RGS12: variants seen among roughly 807,000 people sequenced by gnomAD.
The protein encoded by RGS12 is regulator of G-protein signaling 12.
A neutral mutation model predicts 120.1 loss-of-function variants in RGS12; 66 were observed. That is an observed-to-expected ratio of 0.55 (90% CI 0.45 to 0.67). The LOEUF (loss-of-function observed/expected upper bound fraction) is 0.67. RGS12 is among the 30% of genes least tolerant of loss of function. The pLI is 0.00. For synonymous variants in RGS12, 827 were observed against 804.7 expected, an observed-to-expected ratio of 1.03 and a Z score of -0.47; for missense variants, 1,859 against 1,957.7, an observed-to-expected ratio of 0.95 and a Z score of 0.95.
chr4:3,400,740 TC>T (rs1446322862), intron 4 of RGS12, among the ~76,000 whole-genome samples: 1 of 148,496 alleles, frequency 6.7e-6, no homozygotes, highest in Non-Finnish European at 1.5e-5. Context: ...TTAGTAATAC[TC>T]ATTAGTATTA....
intron 11 of RGS12, 81 bp downstream of exon 11, chr4:3,422,651 C>G (rs1284891149): frequency 4.7e-5 from 68 of 1,444,110 alleles, no homozygotes; most frequent in Non-Finnish European, 5.1e-5. Flanking sequence ...TCAGAGTCCT[C>G]AGGCTGCCCC....
chr4:3,316,695 C>G lies in RGS12; in HGVS notation c.525C>G (p.Ala175=). The G allele has an allele frequency of 6.2e-7, 1 of 1,614,088 alleles. No homozygotes were observed. The highest frequency in any genetic ancestry group is 8.5e-7 in the Non-Finnish European group (1 of 1,180,020). The stretch of plus-strand genomic sequence containing the variant: ...AACAAAGATCCCTTTCAGAGTCGGC[C>G]GCAACTCGATTTGATGTTGGACATG... ...KLKQRSLSES[A]ATRFDVGHES... Residue 175 remains alanine, a synonymous_variant, in exon 2 of 18, where the codon GCC becomes GCG. Coordinates refer to ENST00000336727, the MANE Select transcript of RGS12 (RefSeq NM_001394154.1).
chr4:3,367,665 G>C (rs2108872908), intron 3 of RGS12, among the ~76,000 whole-genome samples: 1 of 152,352 alleles, frequency 6.6e-6, no homozygotes, highest in East Asian at 1.9e-4. Flanking sequence ...GGGGCCCTCA[G>C]GCGGTCACAG....
At chr4:3,416,435 C>T (rs946714096) in intron 7 of RGS12, among the ~76,000 whole-genome samples, 8 of 152,180 alleles carry the variant, frequency 5.3e-5, no homozygotes, top group Non-Finnish European at 4.4e-5. Context: ...GATGGCGCAT[C>T]TGCGTTTGAA....
intron 3 of RGS12, among the ~76,000 whole-genome samples, chr4:3,350,960 A>C (rs753973051): frequency 6.6e-6 from 1 of 152,210 alleles, no homozygotes; most frequent in Non-Finnish European, 1.5e-5. Context: ...TAGTAATACA[A>C]ATTCACTGGT....
intron 1 of RGS12, among the ~76,000 whole-genome samples, chr4:3,306,782 G>A (rs1299753186): frequency 6.6e-6 from 1 of 152,082 alleles, no homozygotes; most frequent in Non-Finnish European, 1.5e-5. Context: ...CCTGGGGGAC[G>A]CTGGTGGGTG....
rs1713564515 is a variant in RGS12 at position 3,344,192 on chromosome 4, G to A, written c.1998+1139G>A. 4.6e-5 allele frequency among the ~76,000 whole-genome samples: 7 copies of A among 152,300 alleles called. No individual in the cohort carries two copies. In the South Asian group the frequency reaches 1.5e-3, roughly 32 times the overall value. Reference sequence around the variant, plus strand: ...GCTTCAGGGATGGCAGGGGTCCTGGGGATTGGCACGTTGTGGCTGCAAATA... The same window carrying A: ...GCTTCAGGGATGGCAGGGGTCCTGGAGATTGGCACGTTGTGGCTGCAAATA... On this transcript the variant is annotated intron_variant, in intron 3 of 17. Transcript: ENST00000336727.
rs1198839786 is a variant in RGS12 at position 3,317,813 on chromosome 4, G to A, written c.1643G>A (p.Cys548Tyr). The change falls in exon 2 of 18, where the codon TGC becomes TAC. Residue 548 changes from cysteine to tyrosine, a missense_variant. Coordinates refer to ENST00000336727, the MANE Select transcript of RGS12 (RefSeq NM_001394154.1). ...LPVHVLREWQ[C>Y]GHTSDQDSYT... ...GTCCACGTGCTCCGGGAGTGGCAGTGCGGACACACCAGCGACCAGGACTCT... is the reference window on the plus strand; with the variant it reads ...GTCCACGTGCTCCGGGAGTGGCAGTACGGACACACCAGCGACCAGGACTCT... 1.9e-6 allele frequency: 3 copies of A among 1,613,206 alleles called. No individual in the cohort carries two copies. The highest frequency in any genetic ancestry group is 1.7e-5 in the Admixed American group (1 of 60,018).
At chr4:3,373,561 G>A (rs563922775) in intron 3 of RGS12, among the ~76,000 whole-genome samples, 125 of 152,348 alleles carry the variant, frequency 8.2e-4, no homozygotes, top group African/African-American at 2.7e-3. Flanking sequence ...CACTGACCGC[G>A]TCTCTTAAAT....
upstream of RGS12, among the ~76,000 whole-genome samples, chr4:3,290,198 T>G (rs191919616): frequency 9.2e-5 from 14 of 152,286 alleles, no homozygotes; most frequent in African/African-American, 3.4e-4. Flanking sequence ...CACACGGTAG[T>G]TCTAGTTTTG....
intron 2 of RGS12, among the ~76,000 whole-genome samples, chr4:3,334,110 T>G (rs991923822): frequency 2.0e-5 from 3 of 152,204 alleles, no homozygotes; most frequent in Non-Finnish European, 4.4e-5. Context: ...AAAAAGGAAT[T>G]AAAATAGAAT....
chr4:3,400,362 A>G (rs1045087213), intron 4 of RGS12, among the ~76,000 whole-genome samples: 2 of 152,188 alleles, frequency 1.3e-5, no homozygotes, highest in East Asian at 3.8e-4. Flanking sequence ...TCATCCCACC[A>G]TTCATTCAAC....
intron 2 of RGS12, among the ~76,000 whole-genome samples, chr4:3,336,732 A>G (rs1486481451): frequency 6.6e-6 from 1 of 152,268 alleles, no homozygotes; most frequent in African/African-American, 2.4e-5. Context: ...ATTACATCAA[A>G]TGTAAAAACT....
intron 1 of RGS12, among the ~76,000 whole-genome samples, chr4:3,303,165 G>C (rs879450254): frequency 6.6e-6 from 1 of 152,244 alleles, no homozygotes; most frequent in Non-Finnish European, 1.5e-5. Flanking sequence ...TGGACCCAGT[G>C]GGACAGGTGC....
chr4:3,382,615 C>T (rs1218666962), intron 3 of RGS12, among the ~76,000 whole-genome samples: 1 of 150,614 alleles, frequency 6.6e-6, no homozygotes, highest in Non-Finnish European at 1.5e-5. Context: ...AATCTCAGAT[C>T]CTGAGGAGAC....
intron 17 of RGS12, 103 bp from the exon 18 acceptor site, chr4:3,439,351 AC>A: frequency 8.8e-7 from 1 of 1,132,282 alleles, no homozygotes; most frequent in East Asian, 2.4e-5. Context: ...TATTTCAGGG[AC>A]CCCTACCATG....
chr4:3,417,443 A>T lies in RGS12; in HGVS notation c.2663A>T (p.Asp888Val). Reference sequence around the variant, plus strand: ...CTGAATGAAGAGCTGGGGGATGAGGACAGCGAGAAGAAGCGGAAAGGCGCG... The same window carrying T: ...CTGAATGAAGAGCTGGGGGATGAGGTCAGCGAGAAGAAGCGGAAAGGCGCG... ...RSLNEELGDE[D>V]SEKKRKGAFF... is the part of the protein sequence containing the mutation. The change falls in exon 9 of 18, where the codon GAC becomes GTC. Residue 888 changes from aspartate (D) to valine (V), a missense_variant. Transcript: ENST00000336727. The T allele has an allele frequency of 3.1e-6, 5 of 1,611,124 alleles. No homozygotes were observed. Among genetic ancestry groups the T allele is most frequent in the Non-Finnish European group, 4.2e-6 (5 of 1,178,210 alleles).
At chr4:3,319,373 T>C (rs1200174666) in intron 2 of RGS12, among the ~76,000 whole-genome samples, 1 of 152,202 alleles carries the variant, frequency 6.6e-6, no homozygotes, top group African/African-American at 2.4e-5. Context: ...AACATTTTGA[T>C]GTATGTAAGC....
rs142506918 is a variant in RGS12 at position 3,333,761 on chromosome 4, G to A, written c.1882-9176G>A. Reference sequence around the variant, plus strand: ...TACGTCTTTCTGTCTTCTAGGGCAGGTTTTCTTGTCTGTGCTTGGGCCTCG... The same window carrying A: ...TACGTCTTTCTGTCTTCTAGGGCAGATTTTCTTGTCTGTGCTTGGGCCTCG... On this transcript the variant is annotated intron_variant, in intron 2 of 17. Coordinates refer to ENST00000336727, the MANE Select transcript of RGS12 (RefSeq NM_001394154.1). Among the ~76,000 whole-genome samples the A allele has an allele frequency of 3.5e-4, 54 of 152,224 alleles. No homozygotes were observed. In the East Asian group the frequency reaches 0.01, roughly 29 times the overall value.
Sources: gnomAD v4.1 joint callset for allele counts (sites outside exome capture counted in the v4.1 genomes callset) on GRCh38, gnomAD v4.1.1 for gene constraint, MANE v1.5 for transcripts, NCBI Gene and HGNC (gene_info 2026-07-23, HGNC 2026-07-21) for gene names.